Variants in CCL28 observed in about 807,000 individuals in gnomAD.
CCL28 encodes C-C motif chemokine ligand 28.
Under a neutral mutation model 7.1 loss-of-function variants are expected in CCL28, and 4 were observed. That is an observed-to-expected ratio of 0.56 (90% CI 0.28 to 1.29). The LOEUF (loss-of-function observed/expected upper bound fraction) is 1.29. CCL28 is among the 50% of genes most tolerant of loss of function. The probability of loss-of-function intolerance (pLI) is 0.11; values close to 1 mark genes in which losing one functional copy is unlikely to be tolerated. For missense variants in CCL28, 151 were observed against 163.4 expected, an observed-to-expected ratio of 0.92 and a Z score of 0.41; for synonymous variants, 55 against 57.8, an observed-to-expected ratio of 0.95 and a Z score of 0.22.
At chr5:43,369,351 G>A in the CCL28 span, among the ~76,000 whole-genome samples, 2 of 152,080 alleles carry the variant, frequency 1.3e-5, no homozygotes, top group Non-Finnish European at 2.9e-5. Context: ...AACAAATTGA[G>A]AAAGTACATT....
At chr5:43,404,196 C>A (rs1741167087) in intron 1 of CCL28, among the ~76,000 whole-genome samples, 1 of 152,116 alleles carries the variant, frequency 6.6e-6, no homozygotes, top group African/African-American at 2.4e-5. Context: ...AACTCTGAGA[C>A]ACATAATTGT....
chr5:43,367,355 TGG>T, the CCL28 span, among the ~76,000 whole-genome samples: 1 of 152,212 alleles, frequency 6.6e-6, no homozygotes, highest in Non-Finnish European at 1.5e-5. Context: ...CCCAGGGCCC[TGG>T]TGACATAAGC....
the CCL28 span, among the ~76,000 whole-genome samples, chr5:43,368,952 A>G: frequency 1.3e-4 from 20 of 150,550 alleles, no homozygotes; most frequent in African/African-American, 4.6e-4. Flanking sequence ...CAACCCTAGC[A>G]AACTCATACA....
At chr5:43,387,502 A>G in intron 2 of CCL28, among the ~76,000 whole-genome samples, 1 of 152,256 alleles carries the variant, frequency 6.6e-6, no homozygotes, top group East Asian at 1.9e-4. Context: ...AACCAACACC[A>G]CAGAATCAAA....
Position 43,381,622 on chromosome 5 carries a change from A to G in CCL28, c.*238T>C. On this transcript the variant is annotated 3_prime_UTR_variant, in exon 3 of 3. Coordinates refer to ENST00000361115, the MANE Select transcript of CCL28 (RefSeq NM_148672.3). ...TGATCCTCCTGCCTCAGCCTCCCGA[A>G]GTGCTGGGATAAAAGGTGTGAACCA... 2.5e-6 allele frequency: 1 copy of G among 396,670 alleles called. No homozygotes were observed. Among genetic ancestry groups the G allele is most frequent in the Non-Finnish European group, 4.5e-6 (1 of 223,316 alleles). 24.6% of individuals were successfully genotyped at this position (396,670 alleles called of 1,614,324 possible).
At chr5:43,357,144 G>A in the CCL28 span, among the ~76,000 whole-genome samples, 4 of 152,200 alleles carry the variant, frequency 2.6e-5, no homozygotes, top group African/African-American at 9.7e-5. Flanking sequence ...GCTACCCAGA[G>A]TGGAGGATTC....
chr5:43,372,207 A>G (rs1739797725), downstream of CCL28, among the ~76,000 whole-genome samples: 1 of 152,216 alleles, frequency 6.6e-6, no homozygotes, highest in African/African-American at 2.4e-5. Context: ...GGGGGCAAAC[A>G]TAGCTAACTG....
In CCL28 at chr5:43,388,390, T is replaced by C; in HGVS notation, c.151A>G (p.Ile51Val). 2 of 1,614,170 alleles carry C rather than the reference T, an allele frequency of 1.2e-6. No homozygotes were observed. Among genetic ancestry groups the C allele is most frequent in the East Asian group, 4.5e-5 (2 of 44,882 alleles). The change falls in exon 2 of 3, where the codon ATC becomes GTC. Residue 51 changes from isoleucine to valine, a missense_variant. Transcript: ENST00000361115. ...RLLERVNMCRIQRADGDCDLA... is the reference protein window; with the variant it reads ...RLLERVNMCRVQRADGDCDLA... ...TCACAATCCCCATCAGCTCTCTGGA[T>C]GCGACACATATTCACTCTTTCCAGG...
the CCL28 span, among the ~76,000 whole-genome samples, chr5:43,369,028 AAGAGAGAAAGAGAGAGAG>A: frequency 2.3e-4 from 6 of 26,086 alleles, no homozygotes; most frequent in East Asian, 8.2e-4. Flanking sequence ...GGGAGAGAGA[AAGAGAGAAAGAGAGAGAG>A]AGAGAGAGAG....
chr5:43,397,184 C>G (rs187580026), intron 1 of CCL28: 2 of 152,418 alleles, frequency 1.3e-5, no homozygotes, highest in Admixed American at 1.3e-4. Flanking sequence ...GATGCCCAGA[C>G]GCGCACGTCG....
intron 1 of CCL28, among the ~76,000 whole-genome samples, chr5:43,394,544 T>C (rs901648684): frequency 3.0e-4 from 46 of 152,200 alleles, no homozygotes; most frequent in Non-Finnish European, 2.1e-4. Context: ...AGGTACCTTA[T>C]ATATTTTGTT....
intron 1 of CCL28, among the ~76,000 whole-genome samples, chr5:43,408,145 A>C (rs1426486040): frequency 6.6e-6 from 1 of 152,274 alleles, no homozygotes; most frequent in African/African-American, 2.4e-5. Context: ...CTGGGCATTT[A>C]CCCAAAGGAT....
intron 1 of CCL28, among the ~76,000 whole-genome samples, chr5:43,391,563 A>G (rs568394453): frequency 6.6e-6 from 1 of 152,360 alleles, no homozygotes; most frequent in East Asian, 1.9e-4. Flanking sequence ...ACTACCAAGA[A>G]TAATAAAAAC....
chr5:43,406,219 C>T (rs1331711047), intron 1 of CCL28, among the ~76,000 whole-genome samples: 1 of 152,112 alleles, frequency 6.6e-6, no homozygotes, highest in Non-Finnish European at 1.5e-5. Flanking sequence ...GACCAATATC[C>T]TTGATGAACA....
chr5:43,366,910 C>T, the CCL28 span, among the ~76,000 whole-genome samples: 5 of 152,340 alleles, frequency 3.3e-5, no homozygotes, highest in South Asian at 1.0e-3. Context: ...GTGGGTTCCA[C>T]CCAGTTCGAA....
the CCL28 span, among the ~76,000 whole-genome samples, chr5:43,364,725 T>A: frequency 3.3e-5 from 5 of 152,328 alleles, no homozygotes; most frequent in Admixed American, 2.0e-4. Flanking sequence ...ACTTGCTTTA[T>A]GAATCTGGAT....
chr5:43,378,908 C>A (rs1360851183), downstream of CCL28, among the ~76,000 whole-genome samples: 1 of 152,000 alleles, frequency 6.6e-6, no homozygotes, highest in Non-Finnish European at 1.5e-5. Flanking sequence ...TTGCAGTGAG[C>A]CGAGATTGCA....
the CCL28 span, among the ~76,000 whole-genome samples, chr5:43,365,561 A>G: frequency 6.6e-6 from 1 of 151,930 alleles, no homozygotes; most frequent in African/African-American, 2.4e-5. Context: ...CTTGCAAGGC[A>G]GGCTTGGTGG....
chr5:43,370,274 A>G, the CCL28 span, among the ~76,000 whole-genome samples: 2 of 152,210 alleles, frequency 1.3e-5, no homozygotes, highest in African/African-American at 2.4e-5. Context: ...TAACGAATAC[A>G]TAAACATGTG....
Sources: gnomAD v4.1 joint callset for allele counts (sites outside exome capture counted in the v4.1 genomes callset) on GRCh38, gnomAD v4.1.1 for gene constraint, MANE v1.5 for transcripts, NCBI Gene and HGNC (gene_info 2026-07-23, HGNC 2026-07-21) for gene names.